Variants in ADARB2 observed in about 807,000 individuals in gnomAD.
ADARB2 encodes adenosine deaminase RNA specific B2 (inactive).
A neutral mutation model predicts 62.2 loss-of-function variants in ADARB2; 25 were observed. That is an observed-to-expected ratio of 0.40 (90% CI 0.29 to 0.56). ADARB2 has a LOEUF of 0.56. Ranked by LOEUF, ADARB2 falls within the 20% of genes least tolerant of loss-of-function variation. The probability of loss-of-function intolerance (pLI) is 0.43; values close to 1 mark genes in which losing one functional copy is unlikely to be tolerated. For synonymous variants in ADARB2, 572 were observed against 500.8 expected, an observed-to-expected ratio of 1.14 and a Z score of -1.90; for missense variants, 1,071 against 1,077.4, an observed-to-expected ratio of 0.99 and a Z score of 0.08.
chr10:1,199,883 C>T (rs1450114518), intron 8 of ADARB2, 83 bp downstream of exon 8: 31 of 1,366,114 alleles, frequency 2.3e-5, no homozygotes, highest in Non-Finnish European at 2.9e-5. Flanking sequence ...ATGAAGTCTG[C>T]GAGGGATGGC....
At chr10:1,234,639 G>A (rs1830845804) in intron 5 of ADARB2, among the ~76,000 whole-genome samples, 1 of 147,750 alleles carries the variant, frequency 6.8e-6, no homozygotes, top group African/African-American at 2.5e-5. Flanking sequence ...ACAGGGTCTT[G>A]CTTTGTTGCC....
At chr10:1,364,520 G>A (rs1351303574) in intron 2 of ADARB2, among the ~76,000 whole-genome samples, 1 of 152,354 alleles carries the variant, frequency 6.6e-6, no homozygotes, top group Non-Finnish European at 1.5e-5. Flanking sequence ...CAGTAAATAC[G>A]GTTGGTCCTC....
intron 2 of ADARB2, among the ~76,000 whole-genome samples, chr10:1,369,371 G>C (rs1434302071): frequency 1.3e-5 from 2 of 152,078 alleles, no homozygotes; most frequent in East Asian, 3.9e-4. Flanking sequence ...CTACTCAATA[G>C]GCCACACCCT....
chr10:1,242,294 C>G lies in ADARB2; in HGVS notation c.1198G>C (p.Asp400His), dbSNP rs538734059. The change falls in exon 5 of 10, where the codon GAT (aspartate) becomes CAT (histidine). Residue 400 changes from aspartate (D) to histidine (H), a missense_variant. By Grantham distance (81) the Asp-to-His change is moderately conservative. Transcript: ENST00000381312. Reference sequence around the variant, plus strand: ...GCCACGACCTGCGCCTGCCGAGCATCCAGGCCTGGGGACACAGATAGCATC... The same window carrying G: ...GCCACGACCTGCGCCTGCCGAGCATGCAGGCCTGGGGACACAGATAGCATC... ...LAGIVMTKGL[D>H]ARQAQVVALS... 1.3e-5 allele frequency: 21 copies of G among 1,557,012 alleles called. No homozygotes were observed. Among genetic ancestry groups the G allele is most frequent in the Non-Finnish European group, 1.2e-5 (14 of 1,152,684 alleles).
At chr10:1,475,151 G>A (rs938918488) in intron 1 of ADARB2, among the ~76,000 whole-genome samples, 1 of 152,050 alleles carries the variant, frequency 6.6e-6, no homozygotes, top group African/African-American at 2.4e-5. Flanking sequence ...CCCCCGGGGA[G>A]GGTCCGGCAC....
At chr10:1,349,722 C>T (rs1428973733) in intron 3 of ADARB2, among the ~76,000 whole-genome samples, 1 of 152,116 alleles carries the variant, frequency 6.6e-6, no homozygotes, top group South Asian at 2.1e-4. Context: ...ACATTTTATC[C>T]ATTGACCCAA....
intron 1 of ADARB2, among the ~76,000 whole-genome samples, chr10:1,703,092 C>T (rs181028258): frequency 2.0e-5 from 3 of 152,292 alleles, no homozygotes; most frequent in East Asian, 1.9e-4. Context: ...GAAGCAGACC[C>T]GTTCACTGAT....
intron 3 of ADARB2, among the ~76,000 whole-genome samples, chr10:1,314,325 A>G (rs1423173019): frequency 6.6e-6 from 1 of 151,846 alleles, no homozygotes; most frequent in African/African-American, 2.4e-5. Flanking sequence ...GCTGGACTCT[A>G]CTTGCCCCGT....
chr10:1,426,276 C>T lies in ADARB2; in HGVS notation c.101-47116G>A, dbSNP rs911895111. Among the ~76,000 whole-genome samples the T allele has an allele frequency of 2.6e-5, 4 of 152,142 alleles. No homozygotes were observed. Among genetic ancestry groups the T allele is most frequent in the East Asian group, 1.9e-4 (1 of 5,192 alleles). Reference sequence around the variant, plus strand: ...GTGCCAGCCTCATTAGGTCGGCCTGCGTGGTCCTCTGAAATGTACAGTTCT... The same window carrying T: ...GTGCCAGCCTCATTAGGTCGGCCTGTGTGGTCCTCTGAAATGTACAGTTCT... On this transcript the variant is annotated intron_variant, in intron 1 of 9. Transcript: ENST00000381312. This position sits in a 1 kb window ranked among gnomAD's most constrained non-coding sequence, Gnocchi z 4.1.
chr10:1,370,622 A>C (rs148907720), intron 2 of ADARB2, among the ~76,000 whole-genome samples: 8,439 of 152,324 alleles, frequency 0.055, 369 homozygotes, highest in East Asian at 0.2. Context: ...ATACAAAATC[A>C]ATGTATAAAA....
At chr10:1,364,018 GCCCGCGCCC>G in intron 2 of ADARB2, 101 bp from the exon 3 acceptor site, 1 of 1,369,998 alleles carries the variant, frequency 7.3e-7, no homozygotes, top group Non-Finnish European at 9.4e-7. Flanking sequence ...CGACCTCGCC[GCCCGCGCCC>G]CCAGGTCAGG....
chr10:1,572,832 G>A (rs1224958527), intron 1 of ADARB2, among the ~76,000 whole-genome samples: 1 of 152,312 alleles, frequency 6.6e-6, no homozygotes, highest in South Asian at 2.1e-4. Flanking sequence ...TTTGCTGCTG[G>A]TGCTTCTGGG....
At chr10:1,411,299 G>C (rs181309909) in intron 1 of ADARB2, among the ~76,000 whole-genome samples, 218 of 152,266 alleles carry the variant, frequency 1.4e-3, no homozygotes, top group African/African-American at 5.0e-3. Flanking sequence ...CCCTGGCTTC[G>C]GGGGAACACA....
At chr10:1,647,321 G>C (rs1211275146) in intron 1 of ADARB2, among the ~76,000 whole-genome samples, 1 of 150,094 alleles carries the variant, frequency 6.7e-6, no homozygotes. Flanking sequence ...TGAAAAAAAA[G>C]TGTGTGTGCA....
At chr10:1,358,896 T>C (rs947654783) in intron 3 of ADARB2, among the ~76,000 whole-genome samples, 1 of 152,154 alleles carries the variant, frequency 6.6e-6, no homozygotes, top group Admixed American at 6.5e-5. Flanking sequence ...TGACTTTTAC[T>C]GATTTATTTA....
chr10:1,716,543 C>G (rs1835019194), intron 1 of ADARB2, among the ~76,000 whole-genome samples: 1 of 152,202 alleles, frequency 6.6e-6, no homozygotes, highest in African/African-American at 2.4e-5. Context: ...CCCTCCAAAA[C>G]AGTTGTTTAA....
At chr10:1,298,045 C>T (rs879277471) in intron 3 of ADARB2, among the ~76,000 whole-genome samples, 99 of 152,344 alleles carry the variant, frequency 6.5e-4, no homozygotes, top group Non-Finnish European at 1.2e-3. Flanking sequence ...CAAACACAGC[C>T]TTGCTTTCCA....
chr10:1,599,049 A>G (rs1833375282), intron 1 of ADARB2, among the ~76,000 whole-genome samples: 1 of 152,242 alleles, frequency 6.6e-6, no homozygotes, highest in African/African-American at 2.4e-5. Flanking sequence ...CAAGAGTGCC[A>G]TGTTAACGGG....
At chr10:1,325,188 A>G (rs1413677989) in intron 3 of ADARB2, among the ~76,000 whole-genome samples, 1 of 152,176 alleles carries the variant, frequency 6.6e-6, no homozygotes, top group African/African-American at 2.4e-5. Flanking sequence ...TGTCACAGAT[A>G]GTGTCCATGA....
Sources: allele counts gnomAD v4.1 joint callset (sites outside exome capture counted in the v4.1 genomes callset), GRCh38; gene constraint gnomAD v4.1.1; non-coding constraint Gnocchi (gnomAD v3.1); transcripts MANE v1.5; gene names NCBI Gene and HGNC (gene_info 2026-07-23, HGNC 2026-07-21).